Variants in GRM7 observed in about 807,000 individuals in gnomAD.
The protein encoded by GRM7 is glutamate metabotropic receptor 7, also known as metabotropic glutamate receptor 7.
GRM7 carries 35 observed loss-of-function variants against 84.5 expected under a neutral mutation model. That is an observed-to-expected ratio of 0.41 (90% CI 0.32 to 0.55). GRM7 has a LOEUF of 0.55. Ranked by LOEUF, GRM7 falls within the 20% of genes least tolerant of loss-of-function variation. The pLI, the probability that GRM7 is intolerant of heterozygous loss-of-function variation, is 0.19. For missense variants in GRM7, 1,003 were observed against 1,194.6 expected (o/e 0.84, Z 2.36); for synonymous variants, 487 against 455.1 (o/e 1.07, Z -0.89).
rs1168461157 is a variant in GRM7, at chr3:7,729,869, C to CTTTTTT, written c.2699-10470_2699-10465dup. Among the ~76,000 whole-genome samples the CTTTTTT allele has an allele frequency of 4.7e-4, 33 of 69,964 alleles. 1 individual carries two copies. The highest frequency in any genetic ancestry group is 5.5e-4 in the African/African-American group (9 of 16,440). The allele number at this position is 69,964 out of a possible 152,430, so 45.9% of individuals were successfully genotyped here. A position where few individuals can be genotyped will look rare whatever the true frequency, so the allele number is the denominator to read the frequency against. On this transcript the variant is annotated intron_variant, in intron 9 of 9. Transcript: ENST00000357716. ...TACAGGTGCATGCCACCACCTCCGGCTTTTTTTTTTTTTTTTTTTTTTTGA... is the reference window on the plus strand; with the variant it reads ...TACAGGTGCATGCCACCACCTCCGGCTTTTTTTTTTTTTTTTTTTTTTTTTTTTTGA...
intron 4 of GRM7, among the ~76,000 whole-genome samples, chr3:7,368,139 G>A (rs1280188947): frequency 1.3e-5 from 2 of 151,994 alleles, no homozygotes; most frequent in Non-Finnish European, 2.9e-5. Context: ...AAATATTTAA[G>A]CTGTGTGGAC....
intron 4 of GRM7, among the ~76,000 whole-genome samples, chr3:7,380,453 A>C (rs1265905180): frequency 6.6e-6 from 1 of 152,196 alleles, no homozygotes; most frequent in African/African-American, 2.4e-5. Flanking sequence ...GAAATGTTGC[A>C]TTTCCTGAGG....
chr3:7,566,015 G>T (rs1694238678), intron 7 of GRM7, among the ~76,000 whole-genome samples: 1 of 151,644 alleles, frequency 6.6e-6, no homozygotes, highest in South Asian at 2.1e-4. Flanking sequence ...AGATATCAAA[G>T]ATGACACCTA....
chr3:7,218,820 A>C (rs973305842), intron 2 of GRM7, among the ~76,000 whole-genome samples: 1 of 151,910 alleles, frequency 6.6e-6, no homozygotes, highest in Admixed American at 6.6e-5. Context: ...ACAAATATAT[A>C]TATTTTCTTT....
intron 7 of GRM7, among the ~76,000 whole-genome samples, chr3:7,504,217 A>G (rs1203192221): frequency 4.6e-5 from 7 of 152,188 alleles, no homozygotes; most frequent in Non-Finnish European, 8.8e-5. Context: ...GAAGAACGAG[A>G]ATAAGGAGAG....
intron 1 of GRM7, among the ~76,000 whole-genome samples, chr3:7,072,911 T>C (rs952498253): frequency 1.3e-5 from 2 of 152,174 alleles, no homozygotes; most frequent in Non-Finnish European, 2.9e-5. Flanking sequence ...TCGTAATAGA[T>C]TCAGATCATG....
chr3:7,101,840 T>C (rs1200923063), intron 1 of GRM7, among the ~76,000 whole-genome samples: 1 of 148,978 alleles, frequency 6.7e-6, no homozygotes, highest in African/African-American at 2.4e-5. Flanking sequence ...TATAAAGGTA[T>C]ATGTATATAT....
intron 7 of GRM7, among the ~76,000 whole-genome samples, chr3:7,502,332 T>A (rs1475421119): frequency 6.6e-6 from 1 of 152,182 alleles, no homozygotes; most frequent in African/African-American, 2.4e-5. Context: ...CCTAAAAATA[T>A]CACACTTAGA....
intron 9 of GRM7, among the ~76,000 whole-genome samples, chr3:7,705,227 CA>C (rs1701348924): frequency 6.6e-6 from 1 of 152,132 alleles, no homozygotes; most frequent in Admixed American, 6.5e-5. Flanking sequence ...TCAACCAGGG[CA>C]CAAAACATCT....
chr3:7,229,598 T>A (rs547826855), intron 2 of GRM7, among the ~76,000 whole-genome samples: 2 of 151,008 alleles, frequency 1.3e-5, no homozygotes, highest in South Asian at 4.2e-4. Flanking sequence ...TTAACTATTC[T>A]GCAAGAATAA....
chr3:7,215,780 A>T (rs1696589947), intron 2 of GRM7, among the ~76,000 whole-genome samples: 1 of 152,240 alleles, frequency 6.6e-6, no homozygotes, highest in Admixed American at 6.5e-5. Flanking sequence ...AAGGCTAGAC[A>T]AATGTAGTTG....
intron 7 of GRM7, among the ~76,000 whole-genome samples, chr3:7,576,446 A>G (rs1694967546): frequency 1.3e-5 from 2 of 152,214 alleles, no homozygotes; most frequent in African/African-American, 4.8e-5. Flanking sequence ...TACCAAGTTT[A>G]ACTCCTGAGC....
intron 9 of GRM7, among the ~76,000 whole-genome samples, chr3:7,686,119 A>T (rs1221072976): frequency 6.6e-6 from 1 of 152,112 alleles, no homozygotes; most frequent in Admixed American, 6.6e-5. Context: ...CAGCTGTTCT[A>T]ACTCAAGCAA....
At chr3:7,336,634 C>T (rs780148255) in intron 4 of GRM7, among the ~76,000 whole-genome samples, 5 of 151,606 alleles carry the variant, frequency 3.3e-5, no homozygotes, top group Non-Finnish European at 7.4e-5. Context: ...GATTGCATAC[C>T]TAGAAAACCC....
intron 1 of GRM7, among the ~76,000 whole-genome samples, chr3:6,976,302 T>C (rs1035683245): frequency 6.6e-6 from 1 of 152,234 alleles, no homozygotes; most frequent in African/African-American, 2.4e-5. Context: ...ATGAAAACTT[T>C]CAGTGACTTC....
rs116853805 is a variant in GRM7 at position 7,490,483 on chromosome 3, A to G, written c.1515+28761A>G. Among the ~76,000 whole-genome samples, 828 of 152,314 alleles carry G rather than the reference A, an allele frequency of 5.4e-3. 19 individuals are homozygous for G. In the East Asian group the frequency reaches 0.064, roughly 12 times the overall value. ...CTCCATGTGATATTCTCTAACTGGA[A>G]ACTGACTTCTTGAGTAAATGGTTGC... On this transcript the variant is annotated intron_variant, in intron 7 of 9. Transcript: ENST00000357716.
chr3:7,309,984 C>T (rs1343113188), intron 4 of GRM7, among the ~76,000 whole-genome samples: 2 of 152,200 alleles, frequency 1.3e-5, no homozygotes, highest in South Asian at 2.1e-4. Context: ...TTTCCTCACT[C>T]ATGTGTTGCC....
At chr3:6,946,127 A>T (rs145105078) in intron 1 of GRM7, among the ~76,000 whole-genome samples, 11,063 of 152,116 alleles carry the variant, frequency 0.073, 556 homozygotes, top group Non-Finnish European at 0.11. Context: ...GACATGAAGT[A>T]CTTGCCCATG....
chr3:6,979,550 A>C (rs537325981), intron 1 of GRM7, among the ~76,000 whole-genome samples: 3 of 152,320 alleles, frequency 2.0e-5, no homozygotes, highest in Middle Eastern at 3.4e-3. Flanking sequence ...AAAGTCAAAC[A>C]ATATCCAAAT....
Sources: allele counts gnomAD v4.1 joint callset (sites outside exome capture counted in the v4.1 genomes callset), GRCh38; gene constraint gnomAD v4.1.1; transcripts MANE v1.5; gene names NCBI Gene and HGNC (gene_info 2026-07-23, HGNC 2026-07-21).